PRKG1: variants seen among roughly 807,000 people sequenced by gnomAD.
PRKG1 encodes cGMP-dependent protein kinase 1.
A neutral mutation model predicts 88.1 loss-of-function variants in PRKG1; 35 were observed. The observed-to-expected ratio is 0.40, with a 90% CI of 0.30 to 0.53. The LOEUF (loss-of-function observed/expected upper bound fraction) is 0.53, where lower values mean the gene tolerates loss of function less well. PRKG1 is among the 20% of genes least tolerant of loss of function. The pLI is 0.59. For missense variants in PRKG1, 540 were observed against 839.8 expected, an observed-to-expected ratio of 0.64 and a Z score of 4.41; for synonymous variants, 303 against 292.5, an observed-to-expected ratio of 1.04 and a Z score of -0.37.
intron 2 of PRKG1, among the ~76,000 whole-genome samples, chr10:51,445,531 TAACAAC>T (rs943253236): frequency 6.6e-6 from 1 of 151,758 alleles, no homozygotes; most frequent in Non-Finnish European, 1.5e-5. Flanking sequence ...AGGTTAAATA[TAACAAC>T]AACAACAACA....
chr10:51,453,587 C>A (rs113816264), intron 2 of PRKG1, among the ~76,000 whole-genome samples: 1 of 151,878 alleles, frequency 6.6e-6, no homozygotes, highest in Admixed American at 6.6e-5. Context: ...CATTTAAAAT[C>A]AGATTAATTT....
intron 2 of PRKG1, among the ~76,000 whole-genome samples, chr10:51,361,458 A>G (rs1842478955): frequency 6.6e-6 from 1 of 151,924 alleles, no homozygotes. Flanking sequence ...TTGGCTGAGA[A>G]TTGCTCCAGC....
intron 1 of PRKG1, among the ~76,000 whole-genome samples, chr10:51,138,766 TC>T (rs1386181080): frequency 5.4e-5 from 7 of 128,906 alleles, no homozygotes; most frequent in Non-Finnish European, 1.1e-4. Flanking sequence ...CACTGCAACC[TC>T]TGCCTCCCAG....
intron 5 of PRKG1, among the ~76,000 whole-genome samples, chr10:52,009,768 A>G (rs967538652): frequency 1.3e-5 from 2 of 152,202 alleles, no homozygotes; most frequent in African/African-American, 4.8e-5. Context: ...CTCAACTTCA[A>G]ACTGTAGTAC....
chr10:51,837,761 A>G (rs1029518429), intron 4 of PRKG1, among the ~76,000 whole-genome samples: 1 of 152,168 alleles, frequency 6.6e-6, no homozygotes, highest in Non-Finnish European at 1.5e-5. Context: ...CAAAGACTGT[A>G]TCTTTTGTCT....
intron 9 of PRKG1, among the ~76,000 whole-genome samples, chr10:52,203,310 G>A (rs909435267): frequency 2.0e-5 from 3 of 152,062 alleles, no homozygotes; most frequent in African/African-American, 4.8e-5. Flanking sequence ...TAATTTCCAT[G>A]TAATTGTATG....
At chr10:51,311,599 ATC>A (rs1212724244) in intron 2 of PRKG1, among the ~76,000 whole-genome samples, 1 of 152,210 alleles carries the variant, frequency 6.6e-6, no homozygotes, top group African/African-American at 2.4e-5. Flanking sequence ...GGTACCTTAG[ATC>A]TCTATGAATC....
At chr10:51,373,967 C>A (rs923736819) in intron 2 of PRKG1, among the ~76,000 whole-genome samples, 2 of 151,302 alleles carry the variant, frequency 1.3e-5, no homozygotes, top group African/African-American at 4.9e-5. Context: ...CATGGTGAAA[C>A]CCTGTCTCTA....
intron 4 of PRKG1, among the ~76,000 whole-genome samples, chr10:51,839,839 A>G (rs1229466243): frequency 2.0e-5 from 3 of 152,208 alleles, no homozygotes; most frequent in Admixed American, 2.0e-4. Flanking sequence ...ATTGCTCCCC[A>G]GTATTAGTTA....
chr10:51,041,576 C>A (rs1843423261), intron 1 of PRKG1, among the ~76,000 whole-genome samples: 1 of 151,778 alleles, frequency 6.6e-6, no homozygotes, highest in Admixed American at 6.6e-5. Flanking sequence ...CTCTTTAAGG[C>A]AGTAGGTTCC....
chr10:51,094,095 G>C (rs1844466079), intron 1 of PRKG1, among the ~76,000 whole-genome samples: 1 of 151,874 alleles, frequency 6.6e-6, no homozygotes, highest in South Asian at 2.1e-4. Flanking sequence ...CCGGATCTAG[G>C]CTCTAAACTA....
intron 3 of PRKG1, among the ~76,000 whole-genome samples, chr10:51,692,428 G>A (rs75504931): frequency 0.068 from 10,397 of 152,024 alleles, 402 homozygotes; most frequent in East Asian, 0.086. Context: ...TGTATTTTTA[G>A]TAGAGACGGA....
intron 2 of PRKG1, among the ~76,000 whole-genome samples, chr10:51,444,064 A>G (rs1308852511): frequency 2.0e-5 from 3 of 151,746 alleles, no homozygotes; most frequent in Admixed American, 6.6e-5. Flanking sequence ...GCTTTCTTAC[A>G]TAAAGAACCA....
chr10:51,421,171 T>C (rs6480247), intron 2 of PRKG1, among the ~76,000 whole-genome samples: 25,137 of 151,912 alleles, frequency 0.17, 2,257 homozygotes, highest in Admixed American at 0.25. Flanking sequence ...CTTGTTTGTT[T>C]GTTTGTTTGT....
chr10:51,991,525 C>T (rs1007121916), intron 5 of PRKG1, among the ~76,000 whole-genome samples: 1 of 152,082 alleles, frequency 6.6e-6, no homozygotes, highest in Non-Finnish European at 1.5e-5. Flanking sequence ...AGCTATCCCT[C>T]CCCCACTCCC....
At chr10:52,012,531 C>T (rs536993781) in intron 5 of PRKG1, among the ~76,000 whole-genome samples, 42 of 152,108 alleles carry the variant, frequency 2.8e-4, no homozygotes, top group African/African-American at 4.6e-4. Flanking sequence ...CGTGAGCCAC[C>T]GCGCCCAGCC....
intron 5 of PRKG1, among the ~76,000 whole-genome samples, chr10:52,025,558 T>C (rs549410979): frequency 2.6e-5 from 4 of 152,260 alleles, no homozygotes; most frequent in African/African-American, 9.6e-5. Context: ...TAGCCAGTTT[T>C]CCCAGCACCA....
chr10:51,850,723 T>G (rs1161955261), intron 4 of PRKG1, among the ~76,000 whole-genome samples: 1 of 152,132 alleles, frequency 6.6e-6, no homozygotes, highest in African/African-American at 2.4e-5. Flanking sequence ...TTTAAACGTA[T>G]AAAAGATAAA....
At chr10:51,887,478 T>G (rs1201356468) in intron 4 of PRKG1, among the ~76,000 whole-genome samples, 1 of 152,046 alleles carries the variant, frequency 6.6e-6, no homozygotes, top group Non-Finnish European at 1.5e-5. Context: ...TTAAATTTTT[T>G]GAGGAAACTC....
Sources: allele counts gnomAD v4.1 joint callset (sites outside exome capture counted in the v4.1 genomes callset), GRCh38; gene constraint gnomAD v4.1.1; transcripts MANE v1.5; gene names NCBI Gene and HGNC (gene_info 2026-07-23, HGNC 2026-07-21).